SORBS2: variants seen among roughly 807,000 people sequenced by gnomAD.
SORBS2 encodes sorbin and SH3 domain containing 2, also known as sorbin and SH3 domain-containing protein 2.
SORBS2 carries 46 observed loss-of-function variants against 97.7 expected under a neutral mutation model. That is an observed-to-expected ratio of 0.47 (90% CI 0.37 to 0.60). The LOEUF is 0.60. Among genes scored for constraint, SORBS2 ranks in the 20% least tolerant of loss-of-function variants. The pLI is 0.00. For synonymous variants in SORBS2, 476 were observed against 473.4 expected (o/e 1.01, Z -0.07); for missense variants, 1,316 against 1,282.3 (o/e 1.03, Z -0.40).
At chr4:185,722,641 A>C (rs1019773059) in intron 2 of SORBS2, among the ~76,000 whole-genome samples, 1 of 152,188 alleles carries the variant, frequency 6.6e-6, no homozygotes, top group Non-Finnish European at 1.5e-5. Flanking sequence ...AAACTTGTTG[A>C]AAGAGTCTTG....
chr4:185,727,775 C>T (rs1377228609), intron 2 of SORBS2, among the ~76,000 whole-genome samples: 2 of 152,150 alleles, frequency 1.3e-5, no homozygotes, highest in Admixed American at 1.3e-4. Context: ...TCAAGATAAA[C>T]AGCTTGTTCA....
rs190573796 is a variant in SORBS2, at chr4:185,805,304, T to C, written c.-337-29938A>G. Among the ~76,000 whole-genome samples the C allele has an allele frequency of 2.0e-5, 3 of 152,320 alleles. No homozygotes were observed. The East Asian group carries it at 5.8e-4, about 29-fold the overall frequency. On this transcript the variant is annotated intron_variant, in intron 1 of 20. Coordinates refer to the SORBS2 transcript ENST00000284776. ...TTTTCTTCTCCTTTGTTTTCTGATT[T>C]TTAAAAAATCAGAAAAATGTCTGAA... is the stretch of plus-strand genomic sequence containing the variant.
intron 9 of SORBS2, among the ~76,000 whole-genome samples, chr4:185,616,159 A>T (rs1581034257): frequency 6.6e-6 from 1 of 152,168 alleles, no homozygotes; most frequent in African/African-American, 2.4e-5. Context: ...TTCATTTTTT[A>T]ATCTTTTTTT....
chr4:185,798,079 A>G (rs1267016122), intron 1 of SORBS2, among the ~76,000 whole-genome samples: 1 of 152,196 alleles, frequency 6.6e-6, no homozygotes, highest in Non-Finnish European at 1.5e-5. Context: ...CTGGAGAATC[A>G]GAGGTGCACG....
chr4:185,626,954 C>G lies in SORBS2; in HGVS notation c.512G>C (p.Arg171Pro), dbSNP rs769151662. 8 of 1,614,038 alleles carry G rather than the reference C, an allele frequency of 5.0e-6. No individual in the cohort carries two copies. In the African/African-American group the frequency reaches 6.7e-5, roughly 13 times the overall value. Reference sequence around the variant, plus strand: ...GCTCGCACTTTGATCTCCCAAGCCCCGTGGTGGACCCACTGCAGGCTCGCT... The same window carrying G: ...GCTCGCACTTTGATCTCCCAAGCCCGGTGGTGGACCCACTGCAGGCTCGCT... The change falls in exon 6 of 15, where the codon CGG becomes CCG. Residue 171 changes from arginine (R) to proline (P), a missense_variant. Physicochemically the swap from Arg to Pro is moderately radical, Grantham distance 103. Transcript: ENST00000418609.
chr4:185,791,297 C>G (rs1365502398), intron 1 of SORBS2, among the ~76,000 whole-genome samples: 3 of 152,188 alleles, frequency 2.0e-5, no homozygotes, highest in Non-Finnish European at 4.4e-5. Flanking sequence ...TTCTGCACTT[C>G]ATATGATCTT....
chr4:185,753,002 G>A (rs576458598), intron 2 of SORBS2, among the ~76,000 whole-genome samples: 16 of 152,270 alleles, frequency 1.1e-4, no homozygotes, highest in African/African-American at 2.9e-4. Flanking sequence ...ATACAAAGCC[G>A]CTGCTACTAA....
At chr4:185,600,370 G>T (rs957182641) in intron 12 of SORBS2, among the ~76,000 whole-genome samples, 3 of 152,140 alleles carry the variant, frequency 2.0e-5, no homozygotes, top group African/African-American at 7.2e-5. Flanking sequence ...ACGGAGTCTG[G>T]CTCTGTCGCC....
chr4:185,694,201 T>A (rs1417176589), intron 2 of SORBS2, among the ~76,000 whole-genome samples: 2 of 152,222 alleles, frequency 1.3e-5, no homozygotes, highest in East Asian at 3.8e-4. Context: ...GCGAATCTAA[T>A]CTCTTTTGTT....
In SORBS2 at chr4:185,615,044, C is replaced by T. The variant is rs2096607142; in HGVS notation, c.2466+1G>A. On this transcript the variant is annotated splice_donor_variant, in intron 10 of 14. Transcript: ENST00000418609. LOFTEE classifies it high-confidence loss of function. ...CCAAGAGAGAAAGGGAGAGGACCTA[C>T]CTCTACGTATGAGATCGGGAAGATG... 4 of 1,613,118 alleles carry T rather than the reference C, an allele frequency of 2.5e-6. No individual in the cohort carries two copies. The highest frequency in any genetic ancestry group is 3.4e-6 in the Non-Finnish European group (4 of 1,179,056).
chr4:185,784,099 C>T (rs556305971), intron 1 of SORBS2, among the ~76,000 whole-genome samples: 33 of 152,188 alleles, frequency 2.2e-4, no homozygotes, highest in Admixed American at 1.3e-3. Flanking sequence ...TGCACAGTAA[C>T]GACACTAACC....
intron 1 of SORBS2, among the ~76,000 whole-genome samples, chr4:185,887,462 CG>C (rs1180051201): frequency 2.6e-5 from 4 of 152,162 alleles, no homozygotes; most frequent in Non-Finnish European, 4.4e-5. Context: ...TCAAAACTTG[CG>C]GGCATCGCAG....
chr4:185,877,661 G>C (rs2099234341), intron 1 of SORBS2, among the ~76,000 whole-genome samples: 1 of 152,002 alleles, frequency 6.6e-6, no homozygotes, highest in African/African-American at 2.4e-5. Flanking sequence ...GAGGTCAGGA[G>C]TTTGAGACCA....
rs77143386 is a variant in SORBS2, at chr4:185,916,159, C to T, written c.-338+40037G>A. Among the ~76,000 whole-genome samples, 349 of 152,052 alleles carry T rather than the reference C, an allele frequency of 2.3e-3. 1 individual carries two copies. Among genetic ancestry groups the T allele is most frequent in the African/African-American group, 7.2e-3 (300 of 41,490 alleles). On this transcript the variant is annotated intron_variant, in intron 1 of 20. Transcript: ENST00000284776. ...TCAGGGTGCAGTATGAGTCATGGAC[C>T]GGAGGGAAACAAGAATGGATGCAAG...
chr4:185,710,512 C>T (rs2098409504), intron 2 of SORBS2, among the ~76,000 whole-genome samples: 1 of 152,222 alleles, frequency 6.6e-6, no homozygotes. Context: ...CCACACTCCC[C>T]CCCAAATTTT....
At chr4:185,711,887 C>A (rs964445585) in intron 2 of SORBS2, among the ~76,000 whole-genome samples, 5 of 152,080 alleles carry the variant, frequency 3.3e-5, no homozygotes, top group African/African-American at 7.2e-5. Flanking sequence ...GTGCTCCCCG[C>A]CACCTATCCT....
In SORBS2 at chr4:185,938,051, C is replaced by T. The variant is rs377251344; in HGVS notation, c.-338+18145G>A. ...TTGAGATGGGGTCTTGCTCTGTCAC[C>T]CAGGCTGGAGTGCAGTGGCATGATC... On this transcript the variant is annotated intron_variant, in intron 1 of 20. Transcript: ENST00000284776. Among the ~76,000 whole-genome samples the T allele has an allele frequency of 2.0e-5, 3 of 148,644 alleles. No individual in the cohort carries two copies. In the East Asian group the frequency reaches 5.9e-4, roughly 29 times the overall value.
chr4:185,733,517 TG>T (rs2098659969), intron 2 of SORBS2, among the ~76,000 whole-genome samples: 1 of 152,068 alleles, frequency 6.6e-6, no homozygotes, highest in Non-Finnish European at 1.5e-5. Flanking sequence ...TGCACATTGG[TG>T]GGCTGGAGGG....
chr4:185,735,983 C>T (rs996785825), intron 2 of SORBS2, among the ~76,000 whole-genome samples: 8 of 152,228 alleles, frequency 5.3e-5, no homozygotes, highest in Non-Finnish European at 8.8e-5. Context: ...ATCAATAACA[C>T]ACAAGGCAGG....
Sources: allele counts gnomAD v4.1 joint callset (sites outside exome capture counted in the v4.1 genomes callset), GRCh38; gene constraint gnomAD v4.1.1; transcripts MANE v1.5; gene names NCBI Gene and HGNC (gene_info 2026-07-23, HGNC 2026-07-21).